HPSE2: variants seen among roughly 807,000 people sequenced by gnomAD.
HPSE2 encodes inactive heparanase-2.
Under a neutral mutation model 60.5 loss-of-function variants are expected in HPSE2, and 38 were observed. The observed-to-expected ratio is 0.63, with a 90% confidence interval of 0.48 to 0.82. HPSE2 has a LOEUF of 0.82. Ranked by LOEUF, HPSE2 falls within the 40% of genes least tolerant of loss-of-function variation. HPSE2 has a pLI of 0.00. For missense variants in HPSE2, 713 were observed against 740.4 expected, an observed-to-expected ratio of 0.96 and a Z score of 0.43; for synonymous variants, 295 against 293.2, an observed-to-expected ratio of 1.01 and a Z score of -0.06.
rs1253370120 is a variant in HPSE2, at chr10:98,485,197, G to A, written c.1467-2415C>T. Reference sequence around the variant, plus strand: ...GGAGATTTTGATGCAATCTATTTGGGATTAGGGACTGGGAATCTATACTTA... The same window carrying A: ...GGAGATTTTGATGCAATCTATTTGGAATTAGGGACTGGGAATCTATACTTA... On this transcript the variant is annotated intron_variant, in intron 10 of 11. Transcript: ENST00000370552. Among the ~76,000 whole-genome samples the A allele has an allele frequency of 2.0e-5, 3 of 152,128 alleles. No individual in the cohort carries two copies. In the East Asian group the frequency reaches 5.8e-4, roughly 29 times the overall value.
chr10:98,534,320 AAAT>A (rs1235740481), intron 9 of HPSE2, among the ~76,000 whole-genome samples: 1 of 152,256 alleles, frequency 6.6e-6, no homozygotes, highest in Non-Finnish European at 1.5e-5. Context: ...GTTATGGAAG[AAAT>A]CTGCCTCATA....
chr10:99,094,643 A>G (rs1843657448), intron 3 of HPSE2, among the ~76,000 whole-genome samples: 2 of 136,620 alleles, frequency 1.5e-5, no homozygotes, highest in African/African-American at 2.9e-5. Flanking sequence ...TGCAACCTCT[A>G]CCTCCCAAGC....
intron 3 of HPSE2, among the ~76,000 whole-genome samples, chr10:98,779,098 C>T (rs1010764055): frequency 6.6e-6 from 1 of 152,038 alleles, no homozygotes; most frequent in Admixed American, 6.6e-5. Context: ...AAATTCAGCT[C>T]CTCTTTCGGT....
At chr10:98,629,261 T>C (rs4145921) in intron 7 of HPSE2, among the ~76,000 whole-genome samples, 12,060 of 152,268 alleles carry the variant, frequency 0.079, 649 homozygotes, top group South Asian at 0.19. Flanking sequence ...TCTCATCTAG[T>C]TGGAAATCAA....
intron 3 of HPSE2, among the ~76,000 whole-genome samples, chr10:99,031,101 T>C (rs1957488240): frequency 1.3e-5 from 2 of 152,156 alleles, no homozygotes; most frequent in African/African-American, 4.8e-5. Context: ...CTATAGTCAA[T>C]AGTAATTCAA....
In HPSE2 at chr10:98,975,772, G is replaced by A. The variant is rs1956069660; in HGVS notation, c.610+168466C>T. On this transcript the variant is annotated intron_variant, in intron 3 of 11. Transcript: ENST00000370552. ...AGAATAATGCAAACAGTTGAGGTTGGAGCTAGGTTAGGCTTTGGGCACTCA... is the reference window on the plus strand; with the variant it reads ...AGAATAATGCAAACAGTTGAGGTTGAAGCTAGGTTAGGCTTTGGGCACTCA... Among the ~76,000 whole-genome samples the A allele has an allele frequency of 1.3e-5, 2 of 152,140 alleles. 1 individual carries two copies. The highest frequency in any genetic ancestry group is 4.1e-4 in the South Asian group (2 of 4,826).
At chr10:98,715,533 C>T (rs1948770469) in intron 5 of HPSE2, among the ~76,000 whole-genome samples, 2 of 151,824 alleles carry the variant, frequency 1.3e-5, no homozygotes, top group Admixed American at 1.3e-4. Context: ...TGGCTCTCTA[C>T]AGGCATACCA....
chr10:99,222,571 T>G (rs987028318), intron 2 of HPSE2, among the ~76,000 whole-genome samples: 1 of 152,206 alleles, frequency 6.6e-6, no homozygotes, highest in Non-Finnish European at 1.5e-5. Flanking sequence ...TTTCAAATAT[T>G]CTCAAAATTG....
intron 9 of HPSE2, among the ~76,000 whole-genome samples, chr10:98,600,980 A>G (rs1215551473): frequency 7.0e-6 from 1 of 143,500 alleles, no homozygotes; most frequent in Non-Finnish European, 1.5e-5. Context: ...GAGAGAAAGA[A>G]ACAGACAGAT....
chr10:99,045,303 A>G (rs1438652502), intron 3 of HPSE2, among the ~76,000 whole-genome samples: 7 of 152,172 alleles, frequency 4.6e-5, no homozygotes, highest in Non-Finnish European at 1.5e-5. Flanking sequence ...AATTCATTGA[A>G]ATTAATGAAA....
At chr10:98,532,185 G>A (rs193296952) in intron 9 of HPSE2, among the ~76,000 whole-genome samples, 144 of 152,288 alleles carry the variant, frequency 9.5e-4, no homozygotes, top group Non-Finnish European at 1.5e-3. Flanking sequence ...AGAGCTTGGA[G>A]AAGAAAACTC....
chr10:99,239,661 C>T (rs1282001363), upstream of HPSE2, among the ~76,000 whole-genome samples: 64 of 151,600 alleles, frequency 4.2e-4, no homozygotes, highest in Non-Finnish European at 7.4e-5. Flanking sequence ...AACTCTTGAG[C>T]TCAGGCAATC....
intron 9 of HPSE2, among the ~76,000 whole-genome samples, chr10:98,511,390 T>C (rs1344337336): frequency 1.3e-5 from 2 of 152,176 alleles, no homozygotes; most frequent in African/African-American, 4.8e-5. Context: ...GACTTCATGA[T>C]CCACACGCCT....
rs1925647 is a variant in HPSE2, at chr10:98,490,429, A to C, written c.1321-233T>G. Among the ~76,000 whole-genome samples the C allele has an allele frequency of 0.21, 32,361 of 152,170 alleles. 4,137 individuals carry two copies. Among genetic ancestry groups the C allele is most frequent in the Non-Finnish European group, 0.27 (18,624 of 67,970 alleles). Reference sequence around the variant, plus strand: ...CACTGTCTAAAGTGGCCTTTCAACTAAACTGGGATGTGTAAGTGGAGTCGA... The same window carrying C: ...CACTGTCTAAAGTGGCCTTTCAACTCAACTGGGATGTGTAAGTGGAGTCGA... On this transcript the variant is annotated intron_variant, in intron 9 of 11. Transcript: ENST00000370552.
intron 8 of HPSE2, among the ~76,000 whole-genome samples, chr10:98,620,193 T>C (rs577236746): frequency 2.0e-5 from 3 of 152,350 alleles, no homozygotes; most frequent in East Asian, 3.9e-4. Flanking sequence ...CTTTACAATG[T>C]AGTTATCTCC....
chr10:98,723,458 T>C (rs1289919835), intron 4 of HPSE2, among the ~76,000 whole-genome samples: 2 of 152,296 alleles, frequency 1.3e-5, no homozygotes, highest in South Asian at 4.1e-4. Flanking sequence ...GGCTTTGGTA[T>C]CAGGATGATG....
intron 11 of HPSE2, among the ~76,000 whole-genome samples, chr10:98,470,826 A>G (rs1209632175): frequency 1.6e-5 from 2 of 122,984 alleles, no homozygotes; most frequent in East Asian, 2.3e-4. Context: ...GCCTTAATGG[A>G]CAGCTACGCA....
intron 6 of HPSE2, among the ~76,000 whole-genome samples, chr10:98,674,992 T>G (rs542083320): frequency 2.6e-5 from 4 of 152,328 alleles, no homozygotes; most frequent in Admixed American, 1.3e-4. Flanking sequence ...ACTAAACATT[T>G]AGAAATGTGA....
Position 98,935,708 on chromosome 10 carries a change from T to C in HPSE2, c.611-191652A>G, listed in dbSNP as rs914618599. Reference sequence around the variant, plus strand: ...CCTGATGCCAGCTGGAGCTCTCCTATATAAGGCATCTGCCAACCACTGTTG... The same window carrying C: ...CCTGATGCCAGCTGGAGCTCTCCTACATAAGGCATCTGCCAACCACTGTTG... On this transcript the variant is annotated intron_variant, in intron 3 of 11. Coordinates refer to ENST00000370552, the MANE Select transcript of HPSE2 (RefSeq NM_021828.5). 4.9e-5 allele frequency among the ~76,000 whole-genome samples: 7 copies of C among 144,144 alleles called. 2 individuals carry two copies. Among genetic ancestry groups the C allele is most frequent in the African/African-American group, 2.0e-4 (7 of 35,596 alleles). The allele number at this position is 144,144 out of a possible 152,430, so 94.6% of individuals were successfully genotyped here.
Sources: gnomAD v4.1 joint callset for allele counts (sites outside exome capture counted in the v4.1 genomes callset) on GRCh38, gnomAD v4.1.1 for gene constraint, MANE v1.5 for transcripts, NCBI Gene and HGNC (gene_info 2026-07-23, HGNC 2026-07-21) for gene names.